Variants in MAGI3 observed in about 807,000 individuals in gnomAD.
MAGI3 encodes the protein membrane associated guanylate kinase, WW and PDZ domain containing 3.
A neutral mutation model predicts 121.8 loss-of-function variants in MAGI3; 43 were observed. The ratio of observed to expected loss-of-function variants is 0.35; its 90% confidence interval spans 0.28 to 0.46. The LOEUF (loss-of-function observed/expected upper bound fraction) is 0.46, where lower values mean the gene tolerates loss of function less well. Among genes scored for constraint, MAGI3 ranks in the 20% least tolerant of loss-of-function variants. MAGI3 has a pLI of 1.00. For synonymous variants in MAGI3, 553 were observed against 639.3 expected (o/e 0.86, Z 2.04); for missense variants, 1,547 against 1,797.3 (o/e 0.86, Z 2.52).
intron 1 of MAGI3, among the ~76,000 whole-genome samples, chr1:113,508,977 T>A (rs971027436): frequency 2.0e-5 from 3 of 152,186 alleles, no homozygotes; most frequent in Non-Finnish European, 4.4e-5. Flanking sequence ...TTATACAAAG[T>A]GAGTAAATGG....
chr1:113,629,998 G>A (rs1469278216), intron 9 of MAGI3, among the ~76,000 whole-genome samples: 1 of 152,032 alleles, frequency 6.6e-6, no homozygotes, highest in East Asian at 1.9e-4. Flanking sequence ...TGATCAGCAG[G>A]TGGCAAAGTG....
At chr1:113,414,307 G>A (rs568449429) in intron 1 of MAGI3, among the ~76,000 whole-genome samples, 99 of 152,164 alleles carry the variant, frequency 6.5e-4, no homozygotes, top group African/African-American at 2.1e-3. Context: ...TTTTCGCATC[G>A]ATGTTCATCA....
At chr1:113,660,794 G>C (rs2101000452) in intron 16 of MAGI3, among the ~76,000 whole-genome samples, 1 of 140,698 alleles carries the variant, frequency 7.1e-6, no homozygotes, top group Middle Eastern at 3.6e-3. Flanking sequence ...TTTGAGATAG[G>C]GGTCTCACTG....
intron 1 of MAGI3, among the ~76,000 whole-genome samples, chr1:113,479,276 TG>T (rs2101559326): frequency 6.6e-6 from 1 of 152,288 alleles, no homozygotes; most frequent in Admixed American, 6.5e-5. Context: ...CCAGTCCCAA[TG>T]GGATGAACCA....
intron 1 of MAGI3, among the ~76,000 whole-genome samples, chr1:113,459,045 C>G (rs751657510): frequency 1.3e-5 from 2 of 152,040 alleles, no homozygotes; most frequent in Non-Finnish European, 2.9e-5. Context: ...TATATACAAA[C>G]CTGTAACATA....
chr1:113,598,241 A>C (rs756873553), intron 6 of MAGI3, among the ~76,000 whole-genome samples: 10 of 151,386 alleles, frequency 6.6e-5, no homozygotes, highest in East Asian at 3.9e-4. Context: ...CCAAAAAAAA[A>C]CTCACAGGAC....
chr1:113,577,632 A>G (rs1370637670), intron 2 of MAGI3, among the ~76,000 whole-genome samples: 1 of 152,130 alleles, frequency 6.6e-6, no homozygotes, highest in Non-Finnish European at 1.5e-5. Flanking sequence ...GAAAATTTAT[A>G]ATACTTTGTA....
chr1:113,557,818 G>C (rs1317446421), intron 2 of MAGI3, among the ~76,000 whole-genome samples: 1 of 152,148 alleles, frequency 6.6e-6, no homozygotes, highest in Non-Finnish European at 1.5e-5. Flanking sequence ...GCTGGCAGTA[G>C]TTCAGTACCC....
chr1:113,603,526 C>T (rs1455620227), intron 6 of MAGI3, among the ~76,000 whole-genome samples: 1 of 152,022 alleles, frequency 6.6e-6, no homozygotes, highest in Non-Finnish European at 1.5e-5. Context: ...CACCCTGATA[C>T]CAAAACCGGG....
At chr1:113,519,099 A>G (rs760645003) in intron 1 of MAGI3, among the ~76,000 whole-genome samples, 6 of 152,184 alleles carry the variant, frequency 3.9e-5, no homozygotes, top group African/African-American at 7.2e-5. Context: ...CCAAAGCCTC[A>G]AGAATTTGGG....
intron 1 of MAGI3, among the ~76,000 whole-genome samples, chr1:113,490,808 A>T (rs1336326986): frequency 6.6e-6 from 1 of 152,226 alleles, no homozygotes; most frequent in Non-Finnish European, 1.5e-5. Flanking sequence ...ATAATGATAA[A>T]GGGTTCAATT....
intron 5 of MAGI3, among the ~76,000 whole-genome samples, chr1:113,592,298 G>A (rs1015350903): frequency 6.6e-6 from 1 of 152,130 alleles, no homozygotes; most frequent in Non-Finnish European, 1.5e-5. Flanking sequence ...AAATGCAACT[G>A]TAAGAAAATA....
chr1:113,676,064 T>G (rs888540934), intron 19 of MAGI3, among the ~76,000 whole-genome samples: 14 of 151,806 alleles, frequency 9.2e-5, no homozygotes, highest in Admixed American at 6.6e-4. Flanking sequence ...TCTCTCTCTC[T>G]CTCTGTCTCT....
At chr1:113,654,665 G>T (rs1653372049) in intron 15 of MAGI3, among the ~76,000 whole-genome samples, 2 of 151,984 alleles carry the variant, frequency 1.3e-5, no homozygotes, top group Admixed American at 1.3e-4. Flanking sequence ...GATCAAAGGA[G>T]GAATTACATC....
In MAGI3 at chr1:113,684,039, C is replaced by G; in HGVS notation, c.*25C>G. 4 of 1,486,970 alleles carry G rather than the reference C, an allele frequency of 2.7e-6. No individual in the cohort carries two copies. Among genetic ancestry groups the G allele is most frequent in the Non-Finnish European group, 2.7e-6 (3 of 1,122,862 alleles). The allele number at this position is 1,486,970 out of a possible 1,614,324, so 92.1% of individuals were successfully genotyped here. A position where few individuals can be genotyped will look rare whatever the true frequency, so the allele number is the denominator to read the frequency against. ...ACCTTTAGTATAAAACAAAGAAAAA[C>G]AAGTTGTAATCTTTTCTTACAGCAG... On this transcript the variant is annotated 3_prime_UTR_variant, in exon 21 of 21. Coordinates refer to ENST00000307546, the MANE Select transcript of MAGI3 (RefSeq NM_001142782.2).
At chr1:113,402,259 A>G (rs571432989) in intron 1 of MAGI3, among the ~76,000 whole-genome samples, 2 of 152,268 alleles carry the variant, frequency 1.3e-5, no homozygotes, top group African/African-American at 4.8e-5. Context: ...ATCAGTGTGC[A>G]TGAATGTGGT....
chr1:113,587,515 C>G (rs1648449426), intron 4 of MAGI3, among the ~76,000 whole-genome samples: 1 of 152,032 alleles, frequency 6.6e-6, no homozygotes, highest in South Asian at 2.1e-4. Flanking sequence ...CTTTGGAATC[C>G]CTGCCTTGAA....
At chr1:113,458,686 A>C (rs1479345533) in intron 1 of MAGI3, among the ~76,000 whole-genome samples, 4 of 150,924 alleles carry the variant, frequency 2.7e-5, no homozygotes, top group Admixed American at 2.0e-4. Context: ...GCTAGTTTTA[A>C]ATTTTTTTAT....
intron 1 of MAGI3, among the ~76,000 whole-genome samples, chr1:113,461,495 T>C (rs534834660): frequency 8.5e-5 from 13 of 152,298 alleles, no homozygotes; most frequent in African/African-American, 2.6e-4. Context: ...ATTCAATAAA[T>C]GGTGCTGGGA....
Sources: allele counts gnomAD v4.1 joint callset (sites outside exome capture counted in the v4.1 genomes callset), GRCh38; gene constraint gnomAD v4.1.1; transcripts MANE v1.5; gene names NCBI Gene and HGNC (gene_info 2026-07-23, HGNC 2026-07-21).